The following MVB12B variants were observed in gnomAD, a reference collection of about 807,000 sequenced individuals.
The protein encoded by MVB12B is ESCRT-I complex subunit MVB12B.
In MVB12B, 16 loss-of-function variants were observed where a neutral mutation model predicts 41.6. That is an observed-to-expected ratio of 0.38 (90% confidence interval 0.26 to 0.58). The LOEUF is 0.58. Ranked by LOEUF, MVB12B falls within the 20% of genes least tolerant of loss-of-function variation. The pLI is 0.62. For missense variants in MVB12B, 274 were observed against 380.2 expected, an observed-to-expected ratio of 0.72 and a Z score of 2.32; for synonymous variants, 133 against 139.7, an observed-to-expected ratio of 0.95 and a Z score of 0.34.
At position 126,486,700 on chromosome 9, in the gene MVB12B, C is replaced by T. The variant is rs2119213855; in HGVS notation, c.873+2668C>T. Among the ~76,000 whole-genome samples, 1 of 152,328 alleles carries T rather than the reference C, an allele frequency of 6.6e-6. No individual in the cohort carries two copies. Among genetic ancestry groups the T allele is most frequent in the Admixed American group, 6.5e-5 (1 of 15,304 alleles). On this transcript the variant is annotated intron_variant, in intron 9 of 9. Coordinates refer to ENST00000361171, the MANE Select transcript of MVB12B (RefSeq NM_033446.3). The surrounding 1 kb of genome is among the most constrained non-coding windows in gnomAD (Gnocchi z 4.7). ...TTCCATACGTGATCACTGGTTCCTA[C>T]CCCAGGCCTCATTCCTCCCTGTGTC...
intron 7 of MVB12B, among the ~76,000 whole-genome samples, chr9:126,447,642 C>T (rs1310293181): frequency 6.6e-6 from 1 of 152,138 alleles, no homozygotes; most frequent in Non-Finnish European, 1.5e-5. Flanking sequence ...GAAAACACAT[C>T]TTCTCTCTGT....
chr9:126,421,830 T>C lies in MVB12B; in HGVS notation c.663-24T>C, dbSNP rs780445964. Reference sequence around the variant, plus strand: ...TGGGGAATGCTCCTTGTAATCTCCTTTCTCTCGTCCTTCTCTTCCTCAGGC... The same window carrying C: ...TGGGGAATGCTCCTTGTAATCTCCTCTCTCTCGTCCTTCTCTTCCTCAGGC... On this transcript the variant is annotated intron_variant, in intron 6 of 9. Transcript: ENST00000361171. The C allele has an allele frequency of 1.9e-6, 3 of 1,580,188 alleles. No individual in the cohort carries two copies. The South Asian group carries it at 3.3e-5, about 17-fold the overall frequency.
chr9:126,412,024 G>A (rs1172731078), intron 6 of MVB12B, among the ~76,000 whole-genome samples: 1 of 152,168 alleles, frequency 6.6e-6, no homozygotes, highest in African/African-American at 2.4e-5. Context: ...CTGAGCATAT[G>A]GTCTTTAAGA....
chr9:126,332,817 A>G (rs1053849378), intron 1 of MVB12B, among the ~76,000 whole-genome samples: 4 of 152,162 alleles, frequency 2.6e-5, no homozygotes, highest in Admixed American at 2.0e-4. Context: ...CCATTCATTC[A>G]TAATCCATTT....
At chr9:126,431,932 G>A (rs1832342226) in intron 7 of MVB12B, among the ~76,000 whole-genome samples, 1 of 152,210 alleles carries the variant, frequency 6.6e-6, no homozygotes, top group Admixed American at 6.5e-5. Flanking sequence ...ACCAGGCATT[G>A]TCTGGTGTTT....
chr9:126,342,356 TC>T (rs1232446987), intron 2 of MVB12B, among the ~76,000 whole-genome samples: 2 of 152,224 alleles, frequency 1.3e-5, no homozygotes, highest in Non-Finnish European at 2.9e-5. Flanking sequence ...TTTAGGGTCA[TC>T]CTGCTTGCCT....
intron 7 of MVB12B, among the ~76,000 whole-genome samples, chr9:126,443,761 G>A (rs906473322): frequency 1.3e-5 from 2 of 152,126 alleles, no homozygotes; most frequent in Non-Finnish European, 2.9e-5. Context: ...GGCTTTTTAT[G>A]TGCACATTTC....
intron 2 of MVB12B, among the ~76,000 whole-genome samples, chr9:126,380,752 C>T (rs531049745): frequency 1.3e-5 from 2 of 152,312 alleles, no homozygotes; most frequent in South Asian, 4.1e-4. Flanking sequence ...TGGTAATAGC[C>T]GCTTAATGTA....
chr9:126,380,253 T>C (rs1830597338), intron 2 of MVB12B, among the ~76,000 whole-genome samples: 1 of 152,140 alleles, frequency 6.6e-6, no homozygotes, highest in Non-Finnish European at 1.5e-5. Flanking sequence ...CCTAGCCTTC[T>C]TCTCCTCCTC....
chr9:126,349,979 C>T (rs1008454144), intron 2 of MVB12B, among the ~76,000 whole-genome samples: 2 of 152,152 alleles, frequency 1.3e-5, no homozygotes, highest in South Asian at 2.1e-4. Context: ...TCCAGTTTCT[C>T]GACATCTTTT....
chr9:126,479,680 G>A (rs117366853), intron 7 of MVB12B, among the ~76,000 whole-genome samples: 115 of 152,320 alleles, frequency 7.5e-4, no homozygotes, highest in Non-Finnish European at 1.4e-3. Flanking sequence ...CCTCTGACCA[G>A]GAGTCTCTGT....
chr9:126,385,350 G>C (rs547500241), intron 3 of MVB12B, among the ~76,000 whole-genome samples: 4 of 152,250 alleles, frequency 2.6e-5, no homozygotes, highest in Admixed American at 1.3e-4. Flanking sequence ...TTGATAGGAA[G>C]GGAAAAAGAG....
At chr9:126,354,719 GAGAA>G (rs1389289919) in intron 2 of MVB12B, among the ~76,000 whole-genome samples, 1 of 152,194 alleles carries the variant, frequency 6.6e-6, no homozygotes, top group Non-Finnish European at 1.5e-5. Flanking sequence ...TATAAATACA[GAGAA>G]AGAAGGGGAA....
At position 126,468,032 on chromosome 9, in the gene MVB12B, A is replaced by G. The variant is rs1433667420; in HGVS notation, c.758-13337A>G. On this transcript the variant is annotated intron_variant, in intron 7 of 9. Transcript: ENST00000361171. This position sits in a 1 kb window ranked among gnomAD's most constrained non-coding sequence, Gnocchi z 4.3. ...CACACACACAGATGTGCGCTTATGTATCTGTCTACAACTACATATTAAAAC... is the reference window on the plus strand; with the variant it reads ...CACACACACAGATGTGCGCTTATGTGTCTGTCTACAACTACATATTAAAAC... Among the ~76,000 whole-genome samples, 1 of 152,242 alleles carries G rather than the reference A, an allele frequency of 6.6e-6. No individual in the cohort carries two copies. The highest frequency in any genetic ancestry group is 2.4e-5 in the African/African-American group (1 of 41,466).
intron 2 of MVB12B, among the ~76,000 whole-genome samples, chr9:126,351,431 G>C (rs1829743765): frequency 6.8e-6 from 1 of 147,034 alleles, no homozygotes; most frequent in Non-Finnish European, 1.5e-5. Flanking sequence ...TGAGAGAGTA[G>C]ACCTTCTTGC....
chr9:126,368,569 C>T lies in MVB12B; in HGVS notation c.205-12495C>T, dbSNP rs555115818. Among the ~76,000 whole-genome samples the T allele has an allele frequency of 1.4e-3, 218 of 152,278 alleles. 1 individual carries two copies. The highest frequency in any genetic ancestry group is 2.4e-3 in the Non-Finnish European group (160 of 68,024). ...TGACATTTAAAAAATTATCAAAGCT[C>T]ATCTCAGAAAATCTAAATCATGTAG... On this transcript the variant is annotated intron_variant, in intron 2 of 9. Coordinates refer to ENST00000361171, the MANE Select transcript of MVB12B (RefSeq NM_033446.3).
intron 2 of MVB12B, 83 bp from the exon 3 acceptor site, chr9:126,380,981 C>A: frequency 2.1e-6 from 2 of 963,876 alleles, no homozygotes; most frequent in Non-Finnish European, 1.7e-6. Flanking sequence ...TTAATTGGAA[C>A]AGGCGTGGAA....
At chr9:126,451,328 G>C (rs1005567996) in intron 7 of MVB12B, among the ~76,000 whole-genome samples, 23 of 152,330 alleles carry the variant, frequency 1.5e-4, no homozygotes, top group Admixed American at 8.5e-4. Context: ...GCTCACCACT[G>C]TAGAGAATGG....
rs1833355537 is a variant in MVB12B at position 126,473,427 on chromosome 9, G to C, written c.758-7942G>C. Among the ~76,000 whole-genome samples the C allele has an allele frequency of 6.6e-6, 1 of 152,196 alleles. No individual in the cohort carries two copies. The highest frequency in any genetic ancestry group is 1.5e-5 in the Non-Finnish European group (1 of 68,046). Reference sequence around the variant, plus strand: ...CTTGCGTTACTATAAAGAAATACCTGAGACTGGGTAATTTATAAGAAAAGG... The same window carrying C: ...CTTGCGTTACTATAAAGAAATACCTCAGACTGGGTAATTTATAAGAAAAGG... On this transcript the variant is annotated intron_variant, in intron 7 of 9. Coordinates refer to ENST00000361171, the MANE Select transcript of MVB12B (RefSeq NM_033446.3). The surrounding 1 kb of genome is among the most constrained non-coding windows in gnomAD (Gnocchi z 4.0).
Sources: allele counts gnomAD v4.1 joint callset (sites outside exome capture counted in the v4.1 genomes callset), GRCh38; gene constraint gnomAD v4.1.1; non-coding constraint Gnocchi (gnomAD v3.1); transcripts MANE v1.5; gene names NCBI Gene and HGNC (gene_info 2026-07-23, HGNC 2026-07-21).